The following STPG2 variants were observed in gnomAD, a reference collection of about 807,000 sequenced individuals.
The protein encoded by STPG2 is sperm-tail PG-rich repeat-containing protein 2.
A neutral mutation model predicts 54.2 loss-of-function variants in STPG2; 56 were observed. The observed-to-expected ratio is 1.03, with a 90% CI of 0.83 to 1.29. STPG2 has a LOEUF of 1.29. STPG2 is among the 50% of genes most tolerant of loss of function. The pLI is 0.00. For synonymous variants in STPG2, 200 were observed against 181.8 expected (o/e 1.10, Z -0.81); for missense variants, 596 against 544.9 (o/e 1.09, Z -0.93).
chr4:98,043,371 C>A (rs999284824), intron 5 of STPG2, among the ~76,000 whole-genome samples: 4 of 151,938 alleles, frequency 2.6e-5, no homozygotes, highest in Non-Finnish European at 5.9e-5. Context: ...ATTTTCTTAG[C>A]TATTTATTAA....
chr4:98,118,651 T>A (rs1023191893), intron 3 of STPG2, among the ~76,000 whole-genome samples: 10 of 152,172 alleles, frequency 6.6e-5, no homozygotes, highest in African/African-American at 2.4e-4. Flanking sequence ...TATACAGATC[T>A]TACTTTGAAA....
intron 9 of STPG2, among the ~76,000 whole-genome samples, chr4:97,760,123 C>T (rs1047750922): frequency 1.3e-5 from 2 of 152,136 alleles, no homozygotes; most frequent in Non-Finnish European, 2.9e-5. Flanking sequence ...TATTGATTTT[C>T]GCACATCTAA....
intron 9 of STPG2, among the ~76,000 whole-genome samples, chr4:97,839,410 T>G (rs150985815): frequency 1.0e-3 from 152 of 151,762 alleles, no homozygotes; most frequent in Middle Eastern, 3.4e-3. Context: ...AGAATTTTTA[T>G]GCAGAGGAGA....
intron 5 of STPG2, among the ~76,000 whole-genome samples, chr4:98,047,550 A>T (rs1269439274): frequency 1.3e-5 from 2 of 151,928 alleles, no homozygotes; most frequent in African/African-American, 4.8e-5. Flanking sequence ...GTTTAAATCC[A>T]CATCTTTATT....
chr4:97,966,187 C>T (rs1000697794), intron 7 of STPG2, among the ~76,000 whole-genome samples: 11 of 152,144 alleles, frequency 7.2e-5, no homozygotes, highest in African/African-American at 1.9e-4. Flanking sequence ...GAAGACCTTA[C>T]GTGACCTGAC....
chr4:97,648,988 T>G (rs1236241658), intron 10 of STPG2, among the ~76,000 whole-genome samples: 1 of 152,140 alleles, frequency 6.6e-6, no homozygotes, highest in Non-Finnish European at 1.5e-5. Context: ...AACCAAACCC[T>G]AATTGTCTGA....
intron 5 of STPG2, among the ~76,000 whole-genome samples, chr4:98,034,124 AT>A (rs1736691023): frequency 6.6e-6 from 1 of 152,198 alleles, no homozygotes; most frequent in Non-Finnish European, 1.5e-5. Flanking sequence ...AGAGAAAAAA[AT>A]AAACGGTATT....
At chr4:98,009,049 G>C (rs897959410) in intron 5 of STPG2, among the ~76,000 whole-genome samples, 14 of 125,662 alleles carry the variant, frequency 1.1e-4, no homozygotes, top group African/African-American at 3.7e-4. Context: ...GCCCAGGTTT[G>C]TCAATTTTGT....
chr4:97,898,052 C>T (rs900473979), intron 8 of STPG2, among the ~76,000 whole-genome samples: 2 of 152,062 alleles, frequency 1.3e-5, no homozygotes, highest in African/African-American at 4.8e-5. Context: ...ACATTTAAGT[C>T]TTTAATCCAT....
chr4:97,874,761 T>C (rs1454628108), intron 8 of STPG2, among the ~76,000 whole-genome samples: 2 of 151,688 alleles, frequency 1.3e-5, no homozygotes, highest in Admixed American at 6.6e-5. Context: ...ATCCCAAATG[T>C]CACAGTATTT....
Position 97,996,438 on chromosome 4 carries a change from T to A in STPG2, c.613-15120A>T, listed in dbSNP as rs143557712. 4.1e-4 allele frequency among the ~76,000 whole-genome samples: 63 copies of A among 152,246 alleles called. No individual in the cohort carries two copies. In the East Asian group the frequency reaches 0.011, roughly 27 times the overall value. On this transcript the variant is annotated intron_variant, in intron 5 of 10. Transcript: ENST00000295268. ...GATCCCTTCCTTAAACTGGATCCCT[T>A]TCTTACACCAAATCAACTCAAGATG...
chr4:97,658,181 G>T (rs1245033258), intron 10 of STPG2, among the ~76,000 whole-genome samples: 1 of 152,158 alleles, frequency 6.6e-6, no homozygotes, highest in African/African-American at 2.4e-5. Context: ...GAAGATAGCT[G>T]CTATAATGTG....
intron 10 of STPG2, among the ~76,000 whole-genome samples, chr4:97,599,823 C>CAAAAAA (rs34252589): frequency 2.7e-5 from 3 of 112,804 alleles, no homozygotes; most frequent in Non-Finnish European, 5.3e-5. Context: ...GATTCTGTCT[C>CAAAAAA]AAAAAAAAAA....
At chr4:97,960,112 A>C (rs1578733706) in intron 7 of STPG2, among the ~76,000 whole-genome samples, 1 of 152,320 alleles carries the variant, frequency 6.6e-6, no homozygotes, top group South Asian at 2.1e-4. Context: ...GATCATCTCA[A>C]TAGATGCAGA....
At chr4:98,075,835 C>A (rs1045064266) in intron 5 of STPG2, among the ~76,000 whole-genome samples, 5 of 152,334 alleles carry the variant, frequency 3.3e-5, no homozygotes, top group Middle Eastern at 3.4e-3. Flanking sequence ...CTCTATCCTG[C>A]ATAATATCAC....
intron 8 of STPG2, among the ~76,000 whole-genome samples, chr4:97,891,682 A>G (rs1445866044): frequency 6.6e-6 from 1 of 152,112 alleles, no homozygotes; most frequent in African/African-American, 2.4e-5. Context: ...AAAAAATCTT[A>G]AAGAAAATAT....
chr4:97,979,991 G>GT (rs1204690877), intron 6 of STPG2, among the ~76,000 whole-genome samples: 1 of 151,952 alleles, frequency 6.6e-6, no homozygotes, highest in Non-Finnish European at 1.5e-5. Context: ...CCCAAGTTAT[G>GT]GGATTAAAGG....
intron 10 of STPG2, among the ~76,000 whole-genome samples, chr4:97,644,787 C>A (rs2148948330): frequency 6.6e-6 from 1 of 152,080 alleles, no homozygotes; most frequent in African/African-American, 2.4e-5. Flanking sequence ...GTAACATATC[C>A]TTTAGTATTC....
chr4:97,923,001 C>A (rs1288434675), intron 8 of STPG2, among the ~76,000 whole-genome samples: 2 of 152,254 alleles, frequency 1.3e-5, no homozygotes, highest in Admixed American at 6.5e-5. Flanking sequence ...CTACCAAAGT[C>A]ATTTCAACTA....
Sources: gnomAD v4.1 joint callset for allele counts (sites outside exome capture counted in the v4.1 genomes callset) on GRCh38, gnomAD v4.1.1 for gene constraint, MANE v1.5 for transcripts, NCBI Gene and HGNC (gene_info 2026-07-23, HGNC 2026-07-21) for gene names.